TBCEL: variants seen among roughly 807,000 people sequenced by gnomAD.
The protein encoded by TBCEL is tubulin folding cofactor E like.
In TBCEL, 15 loss-of-function variants were observed where a neutral mutation model predicts 44.2. That is an observed-to-expected ratio of 0.34 (90% CI 0.23 to 0.52). TBCEL has a LOEUF of 0.52. Among genes scored for constraint, TBCEL ranks in the 20% least tolerant of loss-of-function variants. The pLI is 0.95. For synonymous variants in TBCEL, 171 were observed against 185.4 expected (o/e 0.92, Z 0.63); for missense variants, 319 against 506.3 (o/e 0.63, Z 3.55).
At chr11:121,069,236 T>A (rs536055769) in intron 8 of TBCEL, among the ~76,000 whole-genome samples, 28 of 152,134 alleles carry the variant, frequency 1.8e-4, no homozygotes, top group Non-Finnish European at 3.1e-4. Flanking sequence ...CCTTGCCATC[T>A]CCCCAGTGCC....
At chr11:121,025,234 T>C (rs559877352) in intron 1 of TBCEL, among the ~76,000 whole-genome samples, 4 of 152,188 alleles carry the variant, frequency 2.6e-5, no homozygotes, top group Non-Finnish European at 5.9e-5. Flanking sequence ...AAATACAGGC[T>C]GAGCTGGGGC....
intron 2 of TBCEL, among the ~76,000 whole-genome samples, chr11:121,045,098 G>T (rs1945405711): frequency 6.6e-6 from 1 of 152,052 alleles, no homozygotes; most frequent in Non-Finnish European, 1.5e-5. Context: ...AGAAACAAAG[G>T]AGGGCAAGTG....
chr11:121,025,716 AT>A (rs35047977), intron 1 of TBCEL, among the ~76,000 whole-genome samples: 4,160 of 144,156 alleles, frequency 0.029, 175 homozygotes, highest in African/African-American at 0.091. Flanking sequence ...AAGGAGATGG[AT>A]TTTTTTTTTT....
At position 121,086,875 on chromosome 11, in the gene TBCEL, G is replaced by A. The variant is rs139578794; in HGVS notation, c.1054G>A (p.Asp352Asn). ...SSAKVEVHFN[D>N]QVEEMSIRLD... Reference sequence around the variant, plus strand: ...TGCAAAAGTAGAAGTCCACTTTAACGATCAGGTGGAAGAAATGAGCATTCG... The same window carrying A: ...TGCAAAAGTAGAAGTCCACTTTAACAATCAGGTGGAAGAAATGAGCATTCG... The change falls in exon 9 of 9, where the codon GAT (aspartate) becomes AAT (asparagine). Residue 352 changes from aspartate to asparagine, a missense_variant. Coordinates refer to ENST00000683345, the MANE Select transcript of TBCEL (RefSeq NM_001363644.2). 30 of 1,613,906 alleles carry A rather than the reference G, an allele frequency of 1.9e-5. No homozygotes were observed. The highest frequency in any genetic ancestry group is 5.3e-5 in the African/African-American group (4 of 74,906).
chr11:121,054,929 C>T (rs1171590574), intron 5 of TBCEL, 123 bp from the exon 6 acceptor site: 1 of 1,035,424 alleles, frequency 9.7e-7, no homozygotes, highest in Non-Finnish European at 1.3e-6. Context: ...GTATTTTCTC[C>T]ACAATTCCTA....
chr11:121,069,043 G>A (rs1022336676), intron 8 of TBCEL, among the ~76,000 whole-genome samples: 1 of 152,110 alleles, frequency 6.6e-6, no homozygotes, highest in Non-Finnish European at 1.5e-5. Flanking sequence ...CCTTATCCGA[G>A]ATTCCTTCTC....
At chr11:121,024,751 C>T (rs933763605) in intron 1 of TBCEL, among the ~76,000 whole-genome samples, 1 of 152,174 alleles carries the variant, frequency 6.6e-6, no homozygotes, top group Non-Finnish European at 1.5e-5. Context: ...GAGGACATGT[C>T]CCCAGGGAGG....
chr11:121,026,878 C>T lies in TBCEL; in HGVS notation c.-126+2587C>T, dbSNP rs554925801. 2.5e-3 allele frequency among the ~76,000 whole-genome samples: 374 copies of T among 152,216 alleles called. 3 individuals carry two copies. Among genetic ancestry groups the T allele is most frequent in the African/African-American group, 6.7e-3 (280 of 41,542 alleles). On this transcript the variant is annotated intron_variant, in intron 1 of 8. Coordinates refer to ENST00000683345, the MANE Select transcript of TBCEL (RefSeq NM_001363644.2). ...ATATGTACTTGTCAATAAACAGTTA[C>T]GGAGAAGTGACCCTGAGTGATTGTG...
intron 8 of TBCEL, among the ~76,000 whole-genome samples, chr11:121,080,000 A>G (rs1163794685): frequency 1.3e-5 from 2 of 152,072 alleles, no homozygotes; most frequent in Non-Finnish European, 2.9e-5. Context: ...TATTTTTACT[A>G]GAGACGGGGT....
At chr11:121,055,562 T>G (rs1945605123) in intron 6 of TBCEL, among the ~76,000 whole-genome samples, 1 of 151,812 alleles carries the variant, frequency 6.6e-6, no homozygotes, top group Non-Finnish European at 1.5e-5. Context: ...ATGAAAAAAG[T>G]GAAATGAAAT....
At chr11:121,032,853 G>T (rs1945168346) in intron 1 of TBCEL, among the ~76,000 whole-genome samples, 1 of 152,180 alleles carries the variant, frequency 6.6e-6, no homozygotes, top group Non-Finnish European at 1.5e-5. Flanking sequence ...GTCACTTTGT[G>T]CTTATCTGCA....
chr11:121,032,878 T>C lies in TBCEL; in HGVS notation c.-125-3627T>C, dbSNP rs114149280. On this transcript the variant is annotated intron_variant, in intron 1 of 8. Coordinates refer to ENST00000683345, the MANE Select transcript of TBCEL (RefSeq NM_001363644.2). ...GCTTATCTGCAAATGACCACAAAAA[T>C]GCTGCAAGTATTGATTTTGTTGTAA... Among the ~76,000 whole-genome samples the C allele has an allele frequency of 6.1e-3, 925 of 152,320 alleles. 11 individuals carry two copies. Among genetic ancestry groups the C allele is most frequent in the African/African-American group, 0.021 (873 of 41,570 alleles).
chr11:121,060,945 T>G (rs1007458793), intron 8 of TBCEL, among the ~76,000 whole-genome samples: 6 of 152,024 alleles, frequency 3.9e-5, no homozygotes, highest in African/African-American at 9.7e-5. Context: ...TCTTATTGAA[T>G]GTGTCTATTT....
At position 121,036,610 on chromosome 11, in the gene TBCEL, C is replaced by T. The variant is rs1418117014; in HGVS notation, c.-20C>T. ...GAAGTGTTTAGAAATATCACACAAACAGGTACTTCAGTCTAAATAGTAGTA... is the reference window on the plus strand; with the variant it reads ...GAAGTGTTTAGAAATATCACACAAATAGGTACTTCAGTCTAAATAGTAGTA... On this transcript the variant is annotated splice_region_variant and 5_prime_UTR_variant, in exon 2 of 9. Transcript: ENST00000683345. 2 of 152,160 alleles carry T rather than the reference C, an allele frequency of 1.3e-5. No homozygotes were observed. The highest frequency in any genetic ancestry group is 2.9e-5 in the Non-Finnish European group (2 of 68,028). The allele number at this position is 152,160 out of a possible 1,614,324, so 9.4% of individuals were successfully genotyped here.
intron 7 of TBCEL, among the ~76,000 whole-genome samples, chr11:121,058,890 C>A (rs1175200295): frequency 6.6e-6 from 1 of 151,928 alleles, no homozygotes; most frequent in East Asian, 1.9e-4. Flanking sequence ...AGGGCAGCAT[C>A]TGCATTTTCT....
chr11:121,068,830 T>C (rs1945870929), intron 8 of TBCEL, among the ~76,000 whole-genome samples: 2 of 149,552 alleles, frequency 1.3e-5, no homozygotes, highest in African/African-American at 5.0e-5. Context: ...GAGGTTGCGG[T>C]GAGCTGAGAT....
intron 4 of TBCEL, among the ~76,000 whole-genome samples, chr11:121,051,814 T>C (rs1299404745): frequency 6.6e-6 from 1 of 151,970 alleles, no homozygotes; most frequent in African/African-American, 2.4e-5. Context: ...AAATAGTGAA[T>C]GCAGGGAACC....
chr11:121,073,642 A>G (rs931289540), intron 8 of TBCEL, among the ~76,000 whole-genome samples: 1 of 151,930 alleles, frequency 6.6e-6, no homozygotes. Flanking sequence ...AAAAGAGGTC[A>G]TCTTTATCTT....
In TBCEL at chr11:121,063,797, G is replaced by A. The variant is rs959743838; in HGVS notation, c.956+3712G>A. On this transcript the variant is annotated intron_variant, in intron 8 of 8. Transcript: ENST00000683345. ...GACAGTGTTCTGTACCTGTTTGTTG[G>A]GGGAGAGGGGTGGATCTCAATCTTT... 1.9e-4 allele frequency among the ~76,000 whole-genome samples: 29 copies of A among 152,254 alleles called. 1 individual carries two copies. Among genetic ancestry groups the A allele is most frequent in the Admixed American group, 1.7e-3 (26 of 15,300 alleles).
Sources: allele counts gnomAD v4.1 joint callset (sites outside exome capture counted in the v4.1 genomes callset), GRCh38; gene constraint gnomAD v4.1.1; transcripts MANE v1.5; gene names NCBI Gene and HGNC (gene_info 2026-07-23, HGNC 2026-07-21).